The following BTAF1 variants were observed in gnomAD, a reference collection of about 807,000 sequenced individuals.
BTAF1 encodes B-TFIID TATA-box binding protein associated factor 1, also known as TATA-binding protein-associated factor 172.
BTAF1 carries 38 observed loss-of-function variants against 227.1 expected under a neutral mutation model. The observed-to-expected ratio is 0.17, with a 90% CI of 0.13 to 0.22. The LOEUF is 0.22. Ranked by LOEUF, BTAF1 falls within the 10% of genes least tolerant of loss-of-function variation. The pLI, the probability that BTAF1 is intolerant of heterozygous loss-of-function variation, is 1.00. For missense variants in BTAF1, 1,598 were observed against 2,204.0 expected (o/e 0.73, Z 5.51); for synonymous variants, 742 against 751.9 (o/e 0.99, Z 0.21).
At chr10:91,971,364 A>G (rs776613090) in intron 14 of BTAF1, among the ~76,000 whole-genome samples, 4 of 152,128 alleles carry the variant, frequency 2.6e-5, no homozygotes, top group Non-Finnish European at 5.9e-5. Context: ...CTATGGCACT[A>G]ATCACTGATT....
At chr10:92,009,746 CTGCT>C (rs1850170439) in intron 28 of BTAF1, among the ~76,000 whole-genome samples, 1 of 152,208 alleles carries the variant, frequency 6.6e-6, no homozygotes, top group African/African-American at 2.4e-5. Flanking sequence ...TCCACTATGG[CTGCT>C]TTAGCTGCCG....
chr10:91,965,719 A>G (rs117315295), intron 13 of BTAF1, among the ~76,000 whole-genome samples: 2,569 of 152,328 alleles, frequency 0.017, 41 homozygotes, highest in Non-Finnish European at 0.022. Context: ...AGACTTTGTT[A>G]TAATGCTTTT....
At chr10:91,945,947 T>A (rs1845335115) in intron 4 of BTAF1, among the ~76,000 whole-genome samples, 1 of 152,266 alleles carries the variant, frequency 6.6e-6, no homozygotes, top group African/African-American at 2.4e-5. Flanking sequence ...CCAACTCTTG[T>A]TATTTTCTGT....
intron 11 of BTAF1, among the ~76,000 whole-genome samples, chr10:91,960,517 A>G (rs1178772945): frequency 1.3e-5 from 2 of 152,070 alleles, no homozygotes; most frequent in African/African-American, 4.8e-5. Flanking sequence ...CAGTATACAT[A>G]CAGGAGTAGA....
chr10:91,991,979 G>T (rs1848823855), intron 20 of BTAF1, 140 bp from the exon 21 acceptor site: 4 of 606,004 alleles, frequency 6.6e-6, no homozygotes, highest in Non-Finnish European at 1.1e-5. Context: ...CCATTTCATT[G>T]TCTAAGGAAA....
At chr10:92,005,658 A>G (rs570273573) in intron 25 of BTAF1, among the ~76,000 whole-genome samples, 1 of 152,268 alleles carries the variant, frequency 6.6e-6, no homozygotes, top group South Asian at 2.1e-4. Flanking sequence ...AAAATTGAAG[A>G]CACCAAAGAG....
intron 25 of BTAF1, among the ~76,000 whole-genome samples, chr10:92,005,163 C>T (rs558962534): frequency 7.2e-5 from 11 of 152,214 alleles, no homozygotes; most frequent in African/African-American, 2.2e-4. Context: ...AATCAGGTAG[C>T]GTGATCCCTC....
chr10:91,982,248 G>C, intron 17 of BTAF1, 23 bp downstream of exon 17: 2 of 1,613,636 alleles, frequency 1.2e-6, no homozygotes, highest in Non-Finnish European at 8.5e-7. Flanking sequence ...TAAGTGTCAG[G>C]TAGTCATACA....
At chr10:91,938,063 C>T (rs1844753572) in intron 2 of BTAF1, among the ~76,000 whole-genome samples, 1 of 152,076 alleles carries the variant, frequency 6.6e-6, no homozygotes, top group South Asian at 2.1e-4. Flanking sequence ...TTGATCTTAG[C>T]CAAAAAGCAG....
intron 20 of BTAF1, 145 bp downstream of exon 20, chr10:91,989,725 TC>T: frequency 3.6e-6 from 3 of 828,210 alleles, no homozygotes; most frequent in Non-Finnish European, 5.5e-6. Flanking sequence ...ATAACAAAAC[TC>T]TTTGTTACAT....
intron 14 of BTAF1, among the ~76,000 whole-genome samples, chr10:91,973,919 A>G (rs865938730): frequency 2.8e-4 from 43 of 151,458 alleles, no homozygotes; most frequent in African/African-American, 8.7e-4. Flanking sequence ...AAAAAAAAAA[A>G]AAAAGAAACT....
At chr10:92,026,854 A>AC (rs1851550679) in intron 36 of BTAF1, 103 bp downstream of exon 36, 1 of 1,272,980 alleles carries the variant, frequency 7.9e-7, no homozygotes. Context: ...GTGTTAACAT[A>AC]CATGTGTTAT....
rs1030072656 is a variant in BTAF1 at position 91,982,386 on chromosome 10, A to T, written c.2048+161A>T. ...AAATTAGAGTAAGCAAATACTTCTA[A>T]TTATTTTAAAGCTTTAAAATAGGAT... On this transcript the variant is annotated intron_variant, in intron 17 of 37. Coordinates refer to ENST00000265990, the MANE Select transcript of BTAF1 (RefSeq NM_003972.3). The T allele has an allele frequency of 1.2e-5, 13 of 1,062,474 alleles. No homozygotes were observed. The African/African-American group carries it at 2.1e-4, about 17-fold the overall frequency. 65.8% of individuals were successfully genotyped at this position (1,062,474 alleles called of 1,614,324 possible). A position where few individuals can be genotyped will look rare whatever the true frequency, so the allele number is the denominator to read the frequency against.
At chr10:91,933,086 A>G (rs1211754634) in intron 1 of BTAF1, among the ~76,000 whole-genome samples, 2 of 152,104 alleles carry the variant, frequency 1.3e-5, no homozygotes, top group Non-Finnish European at 2.9e-5. Flanking sequence ...CCAGGAAACC[A>G]CCCCCTTGAG....
At chr10:92,018,171 C>T (rs1039985649) in intron 33 of BTAF1, among the ~76,000 whole-genome samples, 5 of 152,098 alleles carry the variant, frequency 3.3e-5, no homozygotes, top group Non-Finnish European at 5.9e-5. Context: ...GCAACCTCCA[C>T]CTCCAGGGTT....
chr10:91,931,790 C>T (rs910923146), intron 1 of BTAF1, among the ~76,000 whole-genome samples: 8 of 152,326 alleles, frequency 5.3e-5, no homozygotes, highest in Non-Finnish European at 1.0e-4. Context: ...TCTTTGTCTG[C>T]TCATCTCTTT....
Position 91,951,956 on chromosome 10 carries a change from C to CT in BTAF1, c.564+400dup, listed in dbSNP as rs571318256. Among the ~76,000 whole-genome samples the CT allele has an allele frequency of 3.8e-4, 56 of 146,726 alleles. No homozygotes were observed. The South Asian group carries it at 8.8e-3, about 23-fold the overall frequency. ...GAAGTGTTTAGTGTTATGATTTATTCTTTTTTTTTTAAGTGAGAAATAAGA... is the reference window on the plus strand; with the variant it reads ...GAAGTGTTTAGTGTTATGATTTATTCTTTTTTTTTTTAAGTGAGAAATAAGA... On this transcript the variant is annotated intron_variant, in intron 5 of 37. Coordinates refer to ENST00000265990, the MANE Select transcript of BTAF1 (RefSeq NM_003972.3).
intron 2 of BTAF1, among the ~76,000 whole-genome samples, chr10:91,937,791 A>G (rs1010915815): frequency 8.5e-5 from 13 of 152,166 alleles, no homozygotes; most frequent in Non-Finnish European, 2.9e-5. Context: ...CATTCTCCAG[A>G]GTATATATAT....
chr10:91,997,027 T>G, intron 24 of BTAF1: 3 of 1,024,442 alleles, frequency 2.9e-6, no homozygotes, highest in Non-Finnish European at 4.0e-6. Context: ...AGGCAAGCCC[T>G]TTGCTAAGGG....
Sources: gnomAD v4.1 joint callset for allele counts (sites outside exome capture counted in the v4.1 genomes callset) on GRCh38, gnomAD v4.1.1 for gene constraint, MANE v1.5 for transcripts, NCBI Gene and HGNC (gene_info 2026-07-23, HGNC 2026-07-21) for gene names.